Variants in AFAP1 observed in about 807,000 individuals in gnomAD.
AFAP1 encodes the protein actin filament-associated protein 1.
In AFAP1, 75 loss-of-function variants were observed where a neutral mutation model predicts 93.9. That is an observed-to-expected ratio of 0.80 (90% CI 0.66 to 0.97). The LOEUF (loss-of-function observed/expected upper bound fraction) is 0.97, where lower values mean the gene tolerates loss of function less well. Ranked by LOEUF, AFAP1 falls within the 50% of genes least tolerant of loss-of-function variation. AFAP1 has a pLI of 0.00. For synonymous variants in AFAP1, 517 were observed against 430.7 expected, an observed-to-expected ratio of 1.20 and a Z score of -2.48; for missense variants, 1,201 against 1,050.8, an observed-to-expected ratio of 1.14 and a Z score of -1.98.
chr4:7,905,293 C>T (rs1182096254), intron 1 of AFAP1, among the ~76,000 whole-genome samples: 3 of 152,198 alleles, frequency 2.0e-5, no homozygotes, highest in Non-Finnish European at 2.9e-5. Flanking sequence ...TCTGAGGCAG[C>T]GTGTTTGGTT....
intron 1 of AFAP1, among the ~76,000 whole-genome samples, chr4:7,932,712 G>C (rs2149246182): frequency 6.6e-6 from 1 of 152,278 alleles, no homozygotes; most frequent in East Asian, 1.9e-4. Context: ...CATCAAGTCA[G>C]AGGAACAGAT....
At chr4:7,780,832 C>T (rs11737614) in intron 13 of AFAP1, among the ~76,000 whole-genome samples, 37,001 of 151,828 alleles carry the variant, frequency 0.24, 5,395 homozygotes, top group East Asian at 0.7. Flanking sequence ...CATGGAGAAA[C>T]ACCACCGTAC....
intron 1 of AFAP1, among the ~76,000 whole-genome samples, chr4:7,898,384 G>A (rs530706273): frequency 1.3e-5 from 2 of 151,950 alleles, no homozygotes; most frequent in East Asian, 3.9e-4. Flanking sequence ...CTCCAGCCTG[G>A]GTGACAAGAG....
chr4:7,930,051 A>T (rs1450927018), intron 1 of AFAP1, among the ~76,000 whole-genome samples: 1 of 152,246 alleles, frequency 6.6e-6, no homozygotes, highest in African/African-American at 2.4e-5. Context: ...TACTCAATGC[A>T]TCAATCTCAT....
chr4:7,880,511 C>A, intron 1 of AFAP1, among the ~76,000 whole-genome samples: 1 of 152,196 alleles, frequency 6.6e-6, no homozygotes, highest in Middle Eastern at 3.4e-3. Context: ...AACCCCTGAC[C>A]TGATGATCCA....
At chr4:7,914,186 C>A (rs544811941) in intron 1 of AFAP1, among the ~76,000 whole-genome samples, 50 of 152,082 alleles carry the variant, frequency 3.3e-4, no homozygotes, top group African/African-American at 1.1e-3. Flanking sequence ...TCCCTGGTAG[C>A]TGGGGTTACA....
At position 7,760,985 on chromosome 4, in the gene AFAP1, C is replaced by G. The variant is rs1032170637; in HGVS notation, c.*2780G>C. The G allele has an allele frequency of 6.6e-6, 1 of 152,234 alleles. No homozygotes were observed. Among genetic ancestry groups the G allele is most frequent in the Non-Finnish European group, 1.5e-5 (1 of 68,046 alleles). 9.4% of individuals were successfully genotyped at this position (152,234 alleles called of 1,614,324 possible). ...GGACCCTGGCCTGCCTGTCGGGCCT[C>G]TTGCCCTCAGCCTGGCTTCGTTATG... On this transcript the variant is annotated 3_prime_UTR_variant, in exon 18 of 18. Coordinates refer to ENST00000420658, the MANE Select transcript of AFAP1 (RefSeq NM_001134647.2).
At chr4:7,886,610 G>C (rs1415151132) in intron 1 of AFAP1, among the ~76,000 whole-genome samples, 1 of 152,218 alleles carries the variant, frequency 6.6e-6, no homozygotes, top group Non-Finnish European at 1.5e-5. Context: ...CGGGAAATTA[G>C]CCTGACCCTT....
At chr4:7,824,424 T>TACACAC (rs10660353) in intron 6 of AFAP1, among the ~76,000 whole-genome samples, 3,655 of 150,518 alleles carry the variant, frequency 0.024, 105 homozygotes, top group African/African-American at 0.077. Flanking sequence ...AGCATTTGTG[T>TACACAC]ACACACACAC....
chr4:7,792,976 G>A (rs1577214108), intron 11 of AFAP1, among the ~76,000 whole-genome samples: 1 of 152,128 alleles, frequency 6.6e-6, no homozygotes, highest in South Asian at 2.1e-4. Context: ...CCCAACAGTG[G>A]AAAAAGGAAA....
At chr4:7,926,484 G>A (rs577917113) in intron 1 of AFAP1, among the ~76,000 whole-genome samples, 1 of 152,316 alleles carries the variant, frequency 6.6e-6, no homozygotes, top group South Asian at 2.1e-4. Context: ...ACGGACAAAT[G>A]CCTACCGTGG....
intron 12 of AFAP1, among the ~76,000 whole-genome samples, chr4:7,785,322 G>A (rs13128495): frequency 0.36 from 54,978 of 151,934 alleles, 11,068 homozygotes; most frequent in Non-Finnish European, 0.46. Flanking sequence ...CGAGGCCAGC[G>A]TAACAGGGAA....
At chr4:7,769,658 C>G (rs899571793) in intron 16 of AFAP1, among the ~76,000 whole-genome samples, 2 of 150,094 alleles carry the variant, frequency 1.3e-5, no homozygotes, top group Non-Finnish European at 3.0e-5. Context: ...GGGAAAAAAA[C>G]GCCACAGTCT....
At chr4:7,882,396 CTTT>C (rs34705113) in intron 1 of AFAP1, among the ~76,000 whole-genome samples, 13 of 147,548 alleles carry the variant, frequency 8.8e-5, no homozygotes, top group Admixed American at 3.4e-4. Flanking sequence ...TAACCAAATT[CTTT>C]TTTTTTTTTT....
rs560653989 is a variant in AFAP1, at chr4:7,929,830, G to C, written c.-3+9826C>G. Among the ~76,000 whole-genome samples, 114 of 152,320 alleles carry C rather than the reference G, an allele frequency of 7.5e-4. 2 individuals are homozygous for C. The highest frequency in any genetic ancestry group is 2.7e-3 in the African/African-American group (112 of 41,570). ...GGGAGTGGCCTGCAACTCACAGCAGGAACAGCCCCTGCCCTGCCAATCCGG... is the reference window on the plus strand; with the variant it reads ...GGGAGTGGCCTGCAACTCACAGCAGCAACAGCCCCTGCCCTGCCAATCCGG... On this transcript the variant is annotated intron_variant, in intron 1 of 17. Coordinates refer to ENST00000420658, the MANE Select transcript of AFAP1 (RefSeq NM_001134647.2).
At chr4:7,820,483 AGAGT>A (rs1720874137) in intron 6 of AFAP1, among the ~76,000 whole-genome samples, 1 of 152,170 alleles carries the variant, frequency 6.6e-6, no homozygotes, top group African/African-American at 2.4e-5. Flanking sequence ...GTCAAGGAGT[AGAGT>A]TAAAGGAGAG....
At chr4:7,902,151 T>C (rs1719150749) in intron 1 of AFAP1, among the ~76,000 whole-genome samples, 1 of 152,206 alleles carries the variant, frequency 6.6e-6, no homozygotes, top group Admixed American at 6.5e-5. Context: ...GCAATCTTTC[T>C]GAGCTCAGGA....
At position 7,872,062 on chromosome 4, in the gene AFAP1, A is replaced by C; in HGVS notation, c.17T>G (p.Val6Gly). 6.2e-7 allele frequency: 1 copy of C among 1,613,976 alleles called. No individual in the cohort carries two copies. Among genetic ancestry groups the C allele is most frequent in the Non-Finnish European group, 8.5e-7 (1 of 1,179,946 alleles). Residue 6 changes from valine (V) to glycine (G), a missense_variant, in exon 2 of 18, where the codon GTT becomes GGT. Coordinates refer to ENST00000420658, the MANE Select transcript of AFAP1 (RefSeq NM_001134647.2). ...GAGTTCAAGAAAGAGACGAAGTTCA[A>C]CTATTAACTCTTCCATTGCTGACAA... is the stretch of plus-strand genomic sequence containing the variant. MEELI[V>G]ELRLFLELLD...
chr4:7,782,758 G>T (rs183299505), intron 12 of AFAP1, among the ~76,000 whole-genome samples: 3 of 152,108 alleles, frequency 2.0e-5, no homozygotes, highest in African/African-American at 7.2e-5. Flanking sequence ...ACAACCTTTT[G>T]TTATAAAAAT....
Sources: allele counts gnomAD v4.1 joint callset (sites outside exome capture counted in the v4.1 genomes callset), GRCh38; gene constraint gnomAD v4.1.1; transcripts MANE v1.5; gene names NCBI Gene and HGNC (gene_info 2026-07-23, HGNC 2026-07-21).